LGSN: variants seen among roughly 807,000 people sequenced by gnomAD.
LGSN encodes lengsin, lens protein with glutamine synthetase domain, also known as lengsin.
In LGSN, 21 loss-of-function variants were observed where a neutral mutation model predicts 19.5. That is an observed-to-expected ratio of 1.07 (90% CI 0.76 to 1.55). The LOEUF is 1.55. Among genes scored for constraint, LGSN ranks in the 40% most tolerant of loss-of-function variants. The probability of loss-of-function intolerance (pLI) is 0.00; values close to 1 mark genes in which losing one functional copy is unlikely to be tolerated. For missense variants in LGSN, 673 were observed against 608.5 expected (o/e 1.11, Z -1.12); for synonymous variants, 257 against 215.6 (o/e 1.19, Z -1.68).
At chr6:63,433,542 C>T in the LGSN span, among the ~76,000 whole-genome samples, 1 of 152,164 alleles carries the variant, frequency 6.6e-6, no homozygotes, top group East Asian at 1.9e-4. Context: ...ATCTGTGATT[C>T]ACAGTGAACT....
chr6:63,527,379 A>G, the LGSN span, among the ~76,000 whole-genome samples: 4 of 152,268 alleles, frequency 2.6e-5, no homozygotes, highest in East Asian at 7.7e-4. Context: ...TGCATAGAAT[A>G]TTGACCAATA....
At chr6:63,465,833 A>G in the LGSN span, among the ~76,000 whole-genome samples, 1 of 152,198 alleles carries the variant, frequency 6.6e-6, no homozygotes, top group Admixed American at 6.5e-5. Flanking sequence ...ATTCTGGAGA[A>G]GAAGAGATTC....
At chr6:63,422,951 AC>A in the LGSN span, among the ~76,000 whole-genome samples, 1 of 152,246 alleles carries the variant, frequency 6.6e-6, no homozygotes, top group Non-Finnish European at 1.5e-5. Context: ...ACATAAGCCA[AC>A]TATATCCTAT....
At chr6:63,527,466 G>GT in the LGSN span, among the ~76,000 whole-genome samples, 42 of 152,012 alleles carry the variant, frequency 2.8e-4, no homozygotes, top group Non-Finnish European at 4.9e-4. Context: ...TTCTTATGTT[G>GT]TAGATATCTC....
At chr6:63,533,664 G>A in the LGSN span, among the ~76,000 whole-genome samples, 3 of 152,052 alleles carry the variant, frequency 2.0e-5, no homozygotes, top group African/African-American at 7.2e-5. Flanking sequence ...TAGAATAAAT[G>A]GTTATTACTT....
chr6:63,386,929 C>T, the LGSN span, among the ~76,000 whole-genome samples: 1 of 151,900 alleles, frequency 6.6e-6, no homozygotes, highest in Non-Finnish European at 1.5e-5. Flanking sequence ...GGTGAAACCT[C>T]GTCTCTATTA....
At chr6:63,448,333 G>T in the LGSN span, among the ~76,000 whole-genome samples, 2 of 152,052 alleles carry the variant, frequency 1.3e-5, no homozygotes, top group African/African-American at 4.8e-5. Flanking sequence ...ATTCAGATTG[G>T]TTTGAAAAGC....
chr6:63,403,530 G>A, the LGSN span, among the ~76,000 whole-genome samples: 1 of 151,870 alleles, frequency 6.6e-6, no homozygotes, highest in East Asian at 1.9e-4. Flanking sequence ...AGAAAATAAA[G>A]ATCAAAACAT....
chr6:63,559,622 G>A, the LGSN span, among the ~76,000 whole-genome samples: 1 of 152,042 alleles, frequency 6.6e-6, no homozygotes, highest in Admixed American at 6.6e-5. Context: ...GTGTATGCCT[G>A]TAATCCCAGC....
the LGSN span, among the ~76,000 whole-genome samples, chr6:63,414,415 T>C: frequency 6.6e-6 from 1 of 152,152 alleles, no homozygotes; most frequent in African/African-American, 2.4e-5. Context: ...GTATATAATA[T>C]TGTAGTCTTC....
the LGSN span, among the ~76,000 whole-genome samples, chr6:63,559,404 TAAAAGA>T: frequency 1.3e-5 from 2 of 152,010 alleles, no homozygotes; most frequent in Admixed American, 1.3e-4. Context: ...GAACACTAAA[TAAAAGA>T]AAAATGGCTT....
the LGSN span, among the ~76,000 whole-genome samples, chr6:63,425,124 T>C: frequency 1.3e-5 from 2 of 152,134 alleles, no homozygotes; most frequent in African/African-American, 4.8e-5. Context: ...TGACACTAAA[T>C]GCCAGCAAGA....
At chr6:63,525,375 C>G in the LGSN span, among the ~76,000 whole-genome samples, 1 of 152,188 alleles carries the variant, frequency 6.6e-6, no homozygotes, top group Non-Finnish European at 1.5e-5. Flanking sequence ...AGAGAGAGAA[C>G]AGACGGGAGG....
At chr6:63,369,310 C>T in the LGSN span, among the ~76,000 whole-genome samples, 1 of 152,232 alleles carries the variant, frequency 6.6e-6, no homozygotes, top group Admixed American at 6.5e-5. Flanking sequence ...GGCTTGAACA[C>T]ATTCATATGC....
the LGSN span, among the ~76,000 whole-genome samples, chr6:63,417,547 T>C: frequency 6.6e-6 from 1 of 152,242 alleles, no homozygotes; most frequent in Non-Finnish European, 1.5e-5. Flanking sequence ...ATTCTTCTGC[T>C]TCTGTCTGTT....
intron 2 of LGSN, 47 bp downstream of exon 2, chr6:63,294,866 A>T: frequency 6.3e-7 from 1 of 1,585,366 alleles, no homozygotes; most frequent in Non-Finnish European, 8.6e-7. Context: ...CCAAATGGAG[A>T]TTGCCTCTGA....
the LGSN span, among the ~76,000 whole-genome samples, chr6:63,564,929 T>C: frequency 1.3e-5 from 2 of 152,242 alleles, no homozygotes; most frequent in Non-Finnish European, 2.9e-5. Flanking sequence ...ATAAGTCCTT[T>C]ATTCAGTGCC....
chr6:63,405,992 A>C, the LGSN span, among the ~76,000 whole-genome samples: 1 of 152,332 alleles, frequency 6.6e-6, no homozygotes, highest in African/African-American at 2.4e-5. Flanking sequence ...CTAAATATAT[A>C]TGCAGCCAAC....
chr6:63,560,046 T>C, the LGSN span, among the ~76,000 whole-genome samples: 1 of 152,312 alleles, frequency 6.6e-6, no homozygotes, highest in Non-Finnish European at 1.5e-5. Flanking sequence ...CCCACGGTAA[T>C]GCATTTCATA....
Sources: gnomAD v4.1 joint callset for allele counts (sites outside exome capture counted in the v4.1 genomes callset) on GRCh38, gnomAD v4.1.1 for gene constraint, MANE v1.5 for transcripts, NCBI Gene and HGNC (gene_info 2026-07-23, HGNC 2026-07-21) for gene names.